Variants in CRISPLD1 observed in about 807,000 individuals in gnomAD.
The protein encoded by CRISPLD1 is cysteine rich secretory protein LCCL domain containing 1, also known as cysteine-rich secretory protein LCCL domain-containing 1.
A neutral mutation model predicts 77.5 loss-of-function variants in CRISPLD1; 60 were observed. The observed-to-expected ratio is 0.77, with a 90% confidence interval of 0.63 to 0.96. CRISPLD1 has a LOEUF of 0.96. Among genes scored for constraint, CRISPLD1 ranks in the 40% least tolerant of loss-of-function variants. CRISPLD1 has a pLI of 0.00. For missense variants in CRISPLD1, 623 were observed against 615.8 expected, an observed-to-expected ratio of 1.01 and a Z score of -0.12; for synonymous variants, 195 against 200.1, an observed-to-expected ratio of 0.97 and a Z score of 0.22.
chr8:75,017,324 C>G lies in CRISPLD1; in HGVS notation c.1001C>G (p.Ser334Cys). Residue 334 changes from serine to cysteine, a missense_variant, in exon 10 of 15, where the codon TCC becomes TGC. Coordinates refer to ENST00000262207, the MANE Select transcript of CRISPLD1 (RefSeq NM_031461.6). ...VIGSVHYEMQ[S>C]SICRAAIHYG... ...TATCTCCTCCTTTTTTCCAAGCAAT[C>G]CAGCATCTGTAGAGCTGCAATTCAT... is the stretch of plus-strand genomic sequence containing the variant. The G allele has an allele frequency of 6.2e-7, 1 of 1,607,760 alleles. No individual in the cohort carries two copies. The highest frequency in any genetic ancestry group is 1.1e-5 in the South Asian group (1 of 89,052).
chr8:75,017,202 A>G, intron 9 of CRISPLD1, 89 bp downstream of exon 9: 1 of 1,507,404 alleles, frequency 6.6e-7, no homozygotes, highest in East Asian at 2.3e-5. Context: ...TTACATAAGT[A>G]TAGATATTTT....
At chr8:75,011,123 TTTATTA>T (rs373843096) in intron 2 of CRISPLD1, among the ~76,000 whole-genome samples, 5 of 151,074 alleles carry the variant, frequency 3.3e-5, no homozygotes, top group Middle Eastern at 3.2e-3. Context: ...TTTTTGTATC[TTTATTA>T]TTATTATTAT....
In CRISPLD1 at chr8:74,986,246, G is replaced by A; in HGVS notation, c.258+1G>A. On this transcript the variant is annotated splice_donor_variant, in intron 2 of 14. Coordinates refer to ENST00000262207, the MANE Select transcript of CRISPLD1 (RefSeq NM_031461.6). LOFTEE classifies it high-confidence loss of function. ...AACAGCCTCTAATATGGAGTATATG[G>A]TAAGGACATTTTTCAAGTGGTATGT... is the stretch of plus-strand genomic sequence containing the variant. The A allele has an allele frequency of 6.2e-7, 1 of 1,613,196 alleles. No individual in the cohort carries two copies. The highest frequency in any genetic ancestry group is 8.5e-7 in the Non-Finnish European group (1 of 1,179,240).
At chr8:74,991,431 C>T (rs1354567210) in intron 2 of CRISPLD1, among the ~76,000 whole-genome samples, 1 of 152,148 alleles carries the variant, frequency 6.6e-6, no homozygotes, top group Non-Finnish European at 1.5e-5. Flanking sequence ...AATTTAAAGC[C>T]CACCATGATT....
At chr8:75,014,790 T>G (rs1273711218) in intron 5 of CRISPLD1, 22 bp from the exon 6 acceptor site, 1 of 1,518,208 alleles carries the variant, frequency 6.6e-7, no homozygotes, top group African/African-American at 1.4e-5. Flanking sequence ...TACTTTTTAA[T>G]AGAGCGTATC....
chr8:74,989,361 G>A (rs1423027086), intron 2 of CRISPLD1, among the ~76,000 whole-genome samples: 2 of 152,190 alleles, frequency 1.3e-5, no homozygotes, highest in Admixed American at 6.5e-5. Flanking sequence ...TGTTGTTGAA[G>A]TGGTAGTAGA....
chr8:75,032,823 AAATG>A lies in CRISPLD1; in HGVS notation c.*585_*588del, dbSNP rs1410056040. The A allele has an allele frequency of 6.6e-6, 1 of 151,902 alleles. No individual in the cohort carries two copies. The highest frequency in any genetic ancestry group is 2.4e-5 in the African/African-American group (1 of 41,440). 9.4% of individuals were successfully genotyped at this position (151,902 alleles called of 1,614,324 possible). A position where few individuals can be genotyped will look rare whatever the true frequency, so the allele number is the denominator to read the frequency against. ...TATATAAAATAATCCTTTAATATCCAAATGAATCTGTTAAAATGTTTGATTCCTT... is the reference window on the plus strand; with the variant it reads ...TATATAAAATAATCCTTTAATATCCAAATCTGTTAAAATGTTTGATTCCTT... On this transcript the variant is annotated 3_prime_UTR_variant, in exon 15 of 15. Coordinates refer to ENST00000262207, the MANE Select transcript of CRISPLD1 (RefSeq NM_031461.6).
chr8:75,016,883 C>A lies in CRISPLD1; in HGVS notation c.871C>A (p.Gln291Lys). ...TTTAGGTATTTTTTTCTTTGTAGCC[C>A]AAATTGTTTCTTGTGAAGTAAGATT... ...NEVISAQQMSQIVSCEVRLRD... is the reference protein window; with the variant it reads ...NEVISAQQMSKIVSCEVRLRD... The change falls in exon 8 of 15, where the codon CAA becomes AAA. Residue 291 changes from glutamine (Q) to lysine (K), a missense_variant and splice_region_variant. Gln to Lys is a moderately conservative substitution (Grantham distance 53). Transcript: ENST00000262207. 1.3e-6 allele frequency: 2 copies of A among 1,566,732 alleles called. No individual in the cohort carries two copies.
At chr8:75,020,452 C>A (rs1813114053) in intron 12 of CRISPLD1, among the ~76,000 whole-genome samples, 1 of 152,130 alleles carries the variant, frequency 6.6e-6, no homozygotes, top group African/African-American at 2.4e-5. Context: ...CTGGCTGATT[C>A]AGTTCCTGAT....
intron 2 of CRISPLD1, among the ~76,000 whole-genome samples, chr8:75,005,511 A>C (rs1024602785): frequency 6.6e-6 from 1 of 152,122 alleles, no homozygotes; most frequent in Admixed American, 6.6e-5. Flanking sequence ...TAATAAAAGA[A>C]GAAGAAAATT....
At chr8:75,002,591 C>T (rs1424689618) in intron 2 of CRISPLD1, among the ~76,000 whole-genome samples, 2 of 151,592 alleles carry the variant, frequency 1.3e-5, no homozygotes, top group African/African-American at 4.9e-5. Flanking sequence ...CTTTTGTGGT[C>T]CTGACACAGG....
chr8:75,009,528 ACTGTTT>A (rs1177536714), intron 2 of CRISPLD1, among the ~76,000 whole-genome samples: 12 of 151,866 alleles, frequency 7.9e-5, no homozygotes, highest in Non-Finnish European at 1.6e-4. Context: ...ACTTCCAGGA[ACTGTTT>A]CTATTTTTCC....
chr8:75,022,369 G>A (rs975395333), intron 12 of CRISPLD1, among the ~76,000 whole-genome samples: 3 of 151,822 alleles, frequency 2.0e-5, no homozygotes. Flanking sequence ...GGTGGATCAC[G>A]AGGTCAGGAG....
intron 2 of CRISPLD1, among the ~76,000 whole-genome samples, chr8:74,990,056 C>A (rs1470246615): frequency 3.3e-5 from 5 of 152,028 alleles, no homozygotes; most frequent in Admixed American, 6.6e-5. Context: ...ATACTATGTG[C>A]ACATGGACAT....
intron 2 of CRISPLD1, among the ~76,000 whole-genome samples, chr8:74,994,680 A>T (rs72669299): frequency 0.033 from 5,020 of 152,294 alleles, 104 homozygotes; most frequent in South Asian, 0.057. Flanking sequence ...TTAAAAACAG[A>T]AAATGAGAAC....
intron 2 of CRISPLD1, among the ~76,000 whole-genome samples, chr8:75,003,566 A>G (rs1277167440): frequency 6.6e-6 from 1 of 152,170 alleles, no homozygotes; most frequent in East Asian, 1.9e-4. Flanking sequence ...TCCTGCATCT[A>G]TATAAAATAT....
At chr8:75,018,571 G>A (rs1439733531) in intron 10 of CRISPLD1, among the ~76,000 whole-genome samples, 2 of 152,142 alleles carry the variant, frequency 1.3e-5, no homozygotes, top group Admixed American at 1.3e-4. Flanking sequence ...GATTACAGGT[G>A]TGAGCCACCA....
intron 2 of CRISPLD1, among the ~76,000 whole-genome samples, chr8:74,993,001 G>A (rs1051333936): frequency 2.1e-4 from 31 of 148,950 alleles, no homozygotes; most frequent in Admixed American, 2.7e-4. Context: ...ACAGGGTGAT[G>A]CTAATCTGGA....
At chr8:75,026,817 A>G (rs1274479353) in intron 13 of CRISPLD1, 2 of 152,120 alleles carry the variant, frequency 1.3e-5, no homozygotes, top group South Asian at 2.1e-4. Context: ...CTTTGCAGTT[A>G]TTTTCCAATT....
Sources: gnomAD v4.1 joint callset for allele counts (sites outside exome capture counted in the v4.1 genomes callset) on GRCh38, gnomAD v4.1.1 for gene constraint, MANE v1.5 for transcripts, NCBI Gene and HGNC (gene_info 2026-07-23, HGNC 2026-07-21) for gene names.